CSMD1: variants seen among roughly 807,000 people sequenced by gnomAD.
CSMD1 encodes the protein CUB and Sushi multiple domains 1, also known as CUB and sushi domain-containing protein 1.
Under a neutral mutation model 417.5 loss-of-function variants are expected in CSMD1, and 213 were observed. That is an observed-to-expected ratio of 0.51 (90% CI 0.46 to 0.57). The LOEUF (loss-of-function observed/expected upper bound fraction) is 0.57. Ranked by LOEUF, CSMD1 falls within the 20% of genes least tolerant of loss-of-function variation. The pLI is 0.00. For synonymous variants in CSMD1, 2,862 were observed against 1,736.8 expected (o/e 1.65, Z -16.11); for missense variants, 6,923 against 4,529.7 (o/e 1.53, Z -15.17).
At chr8:3,781,036 A>C (rs535810772) in intron 5 of CSMD1, among the ~76,000 whole-genome samples, 1 of 152,298 alleles carries the variant, frequency 6.6e-6, no homozygotes, top group African/African-American at 2.4e-5. Context: ...GGGGAAACTG[A>C]AATCTAAGCA....
intron 7 of CSMD1, among the ~76,000 whole-genome samples, chr8:3,686,390 A>G (rs2129030878): frequency 6.6e-6 from 1 of 152,260 alleles, no homozygotes; most frequent in Non-Finnish European, 1.5e-5. Context: ...CACACTGACG[A>G]TGAGAGTTGC....
intron 3 of CSMD1, among the ~76,000 whole-genome samples, chr8:4,110,303 C>A (rs532295682): frequency 1.3e-5 from 2 of 152,014 alleles, no homozygotes; most frequent in East Asian, 3.9e-4. Flanking sequence ...TTTATTTATC[C>A]ACCATTTCCC....
At chr8:4,582,919 G>A (rs924094054) in intron 2 of CSMD1, among the ~76,000 whole-genome samples, 5 of 152,320 alleles carry the variant, frequency 3.3e-5, no homozygotes, top group Middle Eastern at 3.4e-3. Flanking sequence ...CCCCACACTC[G>A]GAGCAGCTGG....
chr8:4,875,725 A>T (rs1202835750), intron 1 of CSMD1, among the ~76,000 whole-genome samples: 2 of 152,140 alleles, frequency 1.3e-5, no homozygotes, highest in Non-Finnish European at 2.9e-5. Context: ...ATACTAACAA[A>T]TATGTATATA....
chr8:4,956,601 ATTT>A (rs1585404704), intron 1 of CSMD1, among the ~76,000 whole-genome samples: 1 of 151,248 alleles, frequency 6.6e-6, no homozygotes, highest in South Asian at 2.1e-4. Flanking sequence ...CATAACAGAT[ATTT>A]TTATTTTATA....
At chr8:4,078,887 A>G (rs1162903016) in intron 3 of CSMD1, among the ~76,000 whole-genome samples, 2 of 124,410 alleles carry the variant, frequency 1.6e-5, no homozygotes, top group Admixed American at 8.1e-5. Context: ...ATTAATAATA[A>G]TAATAATAAA....
chr8:3,343,223 A>C lies in CSMD1; in HGVS notation c.3631+71T>G, dbSNP rs939220890. On this transcript the variant is annotated intron_variant, in intron 23 of 69. Coordinates refer to ENST00000635120, the MANE Select transcript of CSMD1 (RefSeq NM_033225.6). ...AGAAAAAAATCAATATTTAAAACTT[A>C]ATATAAGCCAAGTATCAGATATGTC... The C allele has an allele frequency of 8.9e-6, 12 of 1,345,980 alleles. No homozygotes were observed. In the Admixed American group the frequency reaches 2.2e-4, roughly 25 times the overall value. 83.4% of individuals were successfully genotyped at this position (1,345,980 alleles called of 1,614,324 possible).
intron 7 of CSMD1, among the ~76,000 whole-genome samples, chr8:3,624,905 G>A (rs1584979655): frequency 6.6e-6 from 1 of 152,110 alleles, no homozygotes; most frequent in South Asian, 2.1e-4. Flanking sequence ...ATCTCAGCAA[G>A]AATGAAACTT....
chr8:3,728,032 G>A (rs920895587), intron 6 of CSMD1, among the ~76,000 whole-genome samples: 5 of 152,140 alleles, frequency 3.3e-5, no homozygotes, highest in Admixed American at 6.5e-5. Context: ...TGTATTCAAT[G>A]CCCCTGAATT....
chr8:4,522,060 C>G (rs557367192), intron 2 of CSMD1, among the ~76,000 whole-genome samples: 3 of 152,276 alleles, frequency 2.0e-5, no homozygotes, highest in South Asian at 4.1e-4. Context: ...TGTCCCCACC[C>G]AAATCTCATC....
intron 49 of CSMD1, among the ~76,000 whole-genome samples, chr8:3,081,881 C>A (rs765349101): frequency 1.5e-4 from 23 of 152,176 alleles, no homozygotes; most frequent in Non-Finnish European, 2.2e-4. Flanking sequence ...CTTTTCTTAG[C>A]CTCAGAGTCA....
chr8:3,892,546 T>C (rs1807049125), intron 5 of CSMD1, among the ~76,000 whole-genome samples: 1 of 151,566 alleles, frequency 6.6e-6, no homozygotes, highest in Non-Finnish European at 1.5e-5. Flanking sequence ...ATAATAATAA[T>C]AATAATAATA....
At chr8:4,233,534 C>A (rs1051272314) in intron 3 of CSMD1, among the ~76,000 whole-genome samples, 1 of 152,128 alleles carries the variant, frequency 6.6e-6, no homozygotes, top group Non-Finnish European at 1.5e-5. Flanking sequence ...ACGCAGAGAG[C>A]TCTCTCACAC....
In CSMD1 at chr8:4,289,217, C is replaced by G. The variant is rs550613944; in HGVS notation, c.415+130736G>C. ...ATACTCTTTACCAGTTTCTAGATAC[C>G]TGTCGGTCATTTCTCATATTGTTAT... On this transcript the variant is annotated intron_variant, in intron 3 of 69. Coordinates refer to ENST00000635120, the MANE Select transcript of CSMD1 (RefSeq NM_033225.6). Among the ~76,000 whole-genome samples, 10 of 152,210 alleles carry G rather than the reference C, an allele frequency of 6.6e-5. No homozygotes were observed. The South Asian group carries it at 1.5e-3, about 22-fold the overall frequency.
intron 52 of CSMD1, among the ~76,000 whole-genome samples, chr8:3,008,662 G>A (rs2128961290): frequency 6.6e-6 from 1 of 152,286 alleles, no homozygotes; most frequent in East Asian, 1.9e-4. Flanking sequence ...CTGGAAAGCG[G>A]TTCTACAAAG....
intron 3 of CSMD1, among the ~76,000 whole-genome samples, chr8:4,292,129 A>C (rs1402170599): frequency 6.6e-6 from 1 of 152,198 alleles, no homozygotes; most frequent in Non-Finnish European, 1.5e-5. Flanking sequence ...CCATACCAAC[A>C]ACAAAGAAAT....
intron 1 of CSMD1, among the ~76,000 whole-genome samples, chr8:4,820,642 G>C (rs746061172): frequency 6.6e-6 from 1 of 152,152 alleles, no homozygotes; most frequent in Non-Finnish European, 1.5e-5. Flanking sequence ...GAAAAATTCA[G>C]AATGATTCAA....
Position 4,182,153 on chromosome 8 carries a change from T to C in CSMD1, c.416-150054A>G, listed in dbSNP as rs943092877. On this transcript the variant is annotated intron_variant, in intron 3 of 69. Transcript: ENST00000635120. The stretch of plus-strand genomic sequence containing the variant: ...AGAAGACAGAACTAAAAAAACAACA[T>C]AGCACCAACAAAATAGACCTATTAG... Among the ~76,000 whole-genome samples the C allele has an allele frequency of 7.2e-5, 11 of 151,986 alleles. No individual in the cohort carries two copies. In the East Asian group the frequency reaches 7.7e-4, roughly 11 times the overall value.
intron 2 of CSMD1, among the ~76,000 whole-genome samples, chr8:4,579,579 G>C (rs1458511803): frequency 6.6e-6 from 1 of 151,954 alleles, no homozygotes; most frequent in Non-Finnish European, 1.5e-5. Flanking sequence ...AGCCAGGCTG[G>C]TCTCGAGATC....
Sources: allele counts gnomAD v4.1 joint callset (sites outside exome capture counted in the v4.1 genomes callset), GRCh38; gene constraint gnomAD v4.1.1; transcripts MANE v1.5; gene names NCBI Gene and HGNC (gene_info 2026-07-23, HGNC 2026-07-21).